The following PTPRT variants were observed in gnomAD, a reference collection of about 807,000 sequenced individuals.
PTPRT encodes protein tyrosine phosphatase receptor type T.
Under a neutral mutation model 176.8 loss-of-function variants are expected in PTPRT, and 56 were observed. The observed-to-expected ratio is 0.32, with a 90% confidence interval of 0.26 to 0.40. The LOEUF (loss-of-function observed/expected upper bound fraction) is 0.40, where lower values mean the gene tolerates loss of function less well. Among genes scored for constraint, PTPRT ranks in the 10% least tolerant of loss-of-function variants. PTPRT has a pLI of 1.00. For synonymous variants in PTPRT, 783 were observed against 739.0 expected, an observed-to-expected ratio of 1.06 and a Z score of -0.96; for missense variants, 1,540 against 1,908.2, an observed-to-expected ratio of 0.81 and a Z score of 3.60.
At position 42,826,021 on chromosome 20, in the gene PTPRT, A is replaced by G. The variant is rs139653776; in HGVS notation, c.215-34555T>C. 2.0e-5 allele frequency among the ~76,000 whole-genome samples: 3 copies of G among 152,274 alleles called. No individual in the cohort carries two copies. In the East Asian group the frequency reaches 5.8e-4, roughly 29 times the overall value. ...CACAAAACCCCCTTTGACATCTGCC[A>G]TGCGACCAGATGCCAGTCCCTTCTC... On this transcript the variant is annotated intron_variant, in intron 2 of 30. Transcript: ENST00000373187.
At chr20:42,688,907 G>A (rs1419530341) in intron 6 of PTPRT, among the ~76,000 whole-genome samples, 1 of 152,168 alleles carries the variant, frequency 6.6e-6, no homozygotes, top group Non-Finnish European at 1.5e-5. Flanking sequence ...CTCTACCCTG[G>A]AGGAGACTAA....
At chr20:43,021,857 G>T (rs1985697228) in intron 1 of PTPRT, among the ~76,000 whole-genome samples, 1 of 150,032 alleles carries the variant, frequency 6.7e-6, no homozygotes. Context: ...GTGTATGGTT[G>T]TCAGGCTGAG....
At chr20:42,056,120 A>G in the PTPRT span, among the ~76,000 whole-genome samples, 1 of 152,094 alleles carries the variant, frequency 6.6e-6, no homozygotes, top group African/African-American at 2.4e-5. Context: ...TTCTAATTGT[A>G]TTGAGAGGAA....
chr20:42,597,207 C>T (rs1172500721), intron 7 of PTPRT, among the ~76,000 whole-genome samples: 1 of 152,284 alleles, frequency 6.6e-6, no homozygotes, highest in East Asian at 1.9e-4. Flanking sequence ...AAGAGGGTCT[C>T]TGACTTCCAG....
intron 17 of PTPRT, among the ~76,000 whole-genome samples, chr20:42,152,915 G>A (rs573349001): frequency 1.3e-5 from 2 of 152,244 alleles, no homozygotes; most frequent in African/African-American, 4.8e-5. Flanking sequence ...TTCATAGGCA[G>A]GCATCTTTGT....
chr20:42,810,925 T>G (rs2077689093), intron 2 of PTPRT, among the ~76,000 whole-genome samples: 1 of 152,240 alleles, frequency 6.6e-6, no homozygotes, highest in Non-Finnish European at 1.5e-5. Context: ...ACTATATAAC[T>G]TAGAACAAGC....
intron 1 of PTPRT, among the ~76,000 whole-genome samples, chr20:43,170,570 G>C (rs1367601130): frequency 1.3e-5 from 2 of 152,124 alleles, no homozygotes; most frequent in Non-Finnish European, 2.9e-5. Context: ...CGACACATGC[G>C]TGAGTTAACA....
rs960874289 is a variant in PTPRT, at chr20:42,073,652, T to C, written c.*7227A>G. 8.9e-6 allele frequency: 2 copies of C among 225,542 alleles called. No homozygotes were observed. The highest frequency in any genetic ancestry group is 4.5e-5 in the African/African-American group (2 of 44,884). The allele number at this position is 225,542 out of a possible 1,614,324, so 14.0% of individuals were successfully genotyped here. On this transcript the variant is annotated 3_prime_UTR_variant, in exon 31 of 31. Transcript: ENST00000373187. ...AAAGCAGCTGTTCCCTATGGTTTGC[T>C]GTTTGGTGATAACCAGCCTGGATCA...
intron 7 of PTPRT, among the ~76,000 whole-genome samples, chr20:42,539,219 C>T (rs935207082): frequency 7.2e-5 from 11 of 152,128 alleles, no homozygotes; most frequent in Non-Finnish European, 8.8e-5. Context: ...TGAGTACACA[C>T]TAACTGTGGT....
chr20:43,126,852 A>G (rs1307297856), intron 1 of PTPRT, among the ~76,000 whole-genome samples: 1 of 152,188 alleles, frequency 6.6e-6, no homozygotes, highest in Non-Finnish European at 1.5e-5. Flanking sequence ...CAGGAGTAGT[A>G]AACATCCATA....
At chr20:42,863,277 A>G (rs2078692586) in intron 2 of PTPRT, among the ~76,000 whole-genome samples, 1 of 152,230 alleles carries the variant, frequency 6.6e-6, no homozygotes, top group Admixed American at 6.5e-5. Context: ...TGAAGTGCCT[A>G]CAGCAGCTGT....
At chr20:42,569,338 C>G (rs1319099180) in intron 7 of PTPRT, among the ~76,000 whole-genome samples, 2 of 151,778 alleles carry the variant, frequency 1.3e-5, no homozygotes, top group Admixed American at 6.6e-5. Context: ...AGGGCAGGGA[C>G]AGTCCTGCCT....
chr20:42,683,404 A>G (rs2075638184), intron 6 of PTPRT, among the ~76,000 whole-genome samples: 1 of 151,920 alleles, frequency 6.6e-6, no homozygotes, highest in Admixed American at 6.6e-5. Flanking sequence ...CAGTCTCCCA[A>G]GTAGCTGGGA....
rs139459628 is a variant in PTPRT at position 42,954,036 on chromosome 20, G to C, written c.89-68104C>G. On this transcript the variant is annotated intron_variant, in intron 1 of 30. Coordinates refer to ENST00000373187, the MANE Select transcript of PTPRT (RefSeq NM_007050.6). ...TGGACGAGTCTGGGAGATGTCACAG[G>C]GGGAGGAGGGACTCTAAGACCTCCC... 2.6e-4 allele frequency among the ~76,000 whole-genome samples: 39 copies of C among 152,224 alleles called. 1 individual carries two copies. In the South Asian group the frequency reaches 8.1e-3, roughly 32 times the overall value.
chr20:42,256,523 G>C (rs2056643001), intron 13 of PTPRT, among the ~76,000 whole-genome samples: 2 of 151,244 alleles, frequency 1.3e-5, no homozygotes, highest in Non-Finnish European at 2.9e-5. Flanking sequence ...ATGTATTTCA[G>C]ATACTTTACG....
chr20:42,133,545 G>T (rs528887541), intron 18 of PTPRT, among the ~76,000 whole-genome samples: 11 of 152,292 alleles, frequency 7.2e-5, no homozygotes, highest in Non-Finnish European at 1.5e-4. Context: ...GAGGAGGGAA[G>T]GATGAATAGG....
chr20:42,339,155 G>C lies in PTPRT; in HGVS notation c.1865+11473C>G, dbSNP rs565441373. ...GCCTTCCACAAAAGAACACAGATTT[G>C]TTCAGATTCTGATATTCTGATATTC... is the stretch of plus-strand genomic sequence containing the variant. On this transcript the variant is annotated intron_variant, in intron 11 of 30. Transcript: ENST00000373187. Among the ~76,000 whole-genome samples the C allele has an allele frequency of 1.2e-4, 18 of 152,282 alleles. No individual in the cohort carries two copies. In the South Asian group the frequency reaches 3.5e-3, roughly 30 times the overall value.
chr20:43,152,467 T>C (rs2014390625), intron 1 of PTPRT, among the ~76,000 whole-genome samples: 1 of 152,198 alleles, frequency 6.6e-6, no homozygotes, highest in Admixed American at 6.5e-5. Flanking sequence ...CAGTGTAGCT[T>C]AGCCCATTTT....
At chr20:42,780,336 C>G in intron 3 of PTPRT, 37 bp from the exon 4 acceptor site, 3 of 1,521,898 alleles carry the variant, frequency 2.0e-6, no homozygotes, top group Non-Finnish European at 2.7e-6. Flanking sequence ...TTCACAGAAA[C>G]AGTTGCAGGC....
Sources: allele counts gnomAD v4.1 joint callset (sites outside exome capture counted in the v4.1 genomes callset), GRCh38; gene constraint gnomAD v4.1.1; transcripts MANE v1.5; gene names NCBI Gene and HGNC (gene_info 2026-07-23, HGNC 2026-07-21).